The following UGT1A9 variants were observed in gnomAD, a reference collection of about 807,000 sequenced individuals.
The protein encoded by UGT1A9 is UDP-glucuronosyltransferase 1A9.
In UGT1A9, 35 loss-of-function variants were observed where a neutral mutation model predicts 45.0. The ratio of observed to expected loss-of-function variants is 0.78; its 90% CI spans 0.59 to 1.03. The LOEUF (loss-of-function observed/expected upper bound fraction) is 1.03. Among genes scored for constraint, UGT1A9 ranks in the 50% least tolerant of loss-of-function variants. UGT1A9 has a pLI of 0.00. For missense variants in UGT1A9, 687 were observed against 666.6 expected, an observed-to-expected ratio of 1.03 and a Z score of -0.34; for synonymous variants, 278 against 250.6, an observed-to-expected ratio of 1.11 and a Z score of -1.03.
chr2:233,746,646 C>A (rs1278819744), intron 1 of UGT1A9, among the ~76,000 whole-genome samples: 2 of 151,736 alleles, frequency 1.3e-5, no homozygotes, highest in East Asian at 3.9e-4. Flanking sequence ...TCTAACTTGG[C>A]TTTCTGTCCC....
At chr2:233,729,306 C>T (rs146717613) in intron 1 of UGT1A9, 13 of 1,614,122 alleles carry the variant, frequency 8.1e-6, no homozygotes, top group Non-Finnish European at 1.1e-5. Flanking sequence ...AGGCAGTGGT[C>T]CTCACCCCAG....
In UGT1A9 at chr2:233,747,740, TC is replaced by T. The variant is rs1007845310; in HGVS notation, c.856-19292del. On this transcript the variant is annotated intron_variant, in intron 1 of 4. Coordinates refer to ENST00000354728, the MANE Select transcript of UGT1A9 (RefSeq NM_021027.3). The stretch of plus-strand genomic sequence containing the variant: ...CTGCTGTGTTTTTTTTGAGGAACAT[TC>T]CATGTGATTTAGACTTTAAGGGCAC... 68 of 1,613,430 alleles carry T rather than the reference TC, an allele frequency of 4.2e-5. No individual in the cohort carries two copies. In the Admixed American group the frequency reaches 1.1e-3, roughly 27 times the overall value.
At chr2:233,676,053 G>C (rs2074344673) in intron 1 of UGT1A9, among the ~76,000 whole-genome samples, 1 of 152,152 alleles carries the variant, frequency 6.6e-6, no homozygotes, top group Non-Finnish European at 1.5e-5. Flanking sequence ...AATTGACTAG[G>C]TGCCAAAGTT....
intron 1 of UGT1A9, among the ~76,000 whole-genome samples, chr2:233,700,573 T>C (rs978152887): frequency 1.5e-4 from 23 of 152,216 alleles, no homozygotes; most frequent in Non-Finnish European, 1.3e-4. Flanking sequence ...AACTTTATTA[T>C]GATGCAATTT....
At position 233,769,465 on chromosome 2, in the gene UGT1A9, G is replaced by C. The variant is rs34036745; in HGVS notation, c.1295+1026G>C. On this transcript the variant is annotated intron_variant, in intron 4 of 4. Coordinates refer to ENST00000354728, the MANE Select transcript of UGT1A9 (RefSeq NM_021027.3). This position sits in a 1 kb window ranked among gnomAD's most constrained non-coding sequence, Gnocchi z 4.4. The stretch of plus-strand genomic sequence containing the variant: ...GGTGCACACGTGTGCATTCATATGC[G>C]TGTGTGTGTGTGTGCGTGTGTTTAT... The C allele has an allele frequency of 4.2e-4, 555 of 1,316,536 alleles. 2 individuals are homozygous for C. The African/African-American group carries it at 7.4e-3, about 18-fold the overall frequency. 81.6% of individuals were successfully genotyped at this position (1,316,536 alleles called of 1,614,324 possible). A position where few individuals can be genotyped will look rare whatever the true frequency, so the allele number is the denominator to read the frequency against.
chr2:233,757,560 A>ATATATATATATATATGTG, intron 1 of UGT1A9, among the ~76,000 whole-genome samples: 1 of 123,156 alleles, frequency 8.1e-6, no homozygotes, highest in African/African-American at 3.4e-5. Flanking sequence ...ATATATATAT[A>ATATATATATATATATGTG]TGTATATATG....
At chr2:233,706,480 A>C (rs1460971839) in intron 1 of UGT1A9, among the ~76,000 whole-genome samples, 2 of 152,254 alleles carry the variant, frequency 1.3e-5, no homozygotes, top group Non-Finnish European at 2.9e-5. Flanking sequence ...GGCTGGGTAC[A>C]TGAGGGTGTC....
In UGT1A9 at chr2:233,760,159, C is replaced by A. The variant is rs35071471; in HGVS notation, c.856-6875C>A. The A allele has an allele frequency of 1.9e-5, 29 of 1,504,618 alleles. No individual in the cohort carries two copies. In the East Asian group the frequency reaches 7.0e-4, roughly 36 times the overall value. 93.2% of individuals were successfully genotyped at this position (1,504,618 alleles called of 1,614,324 possible). A position where few individuals can be genotyped will look rare whatever the true frequency, so the allele number is the denominator to read the frequency against. On this transcript the variant is annotated intron_variant, in intron 1 of 4. Coordinates refer to ENST00000354728, the MANE Select transcript of UGT1A9 (RefSeq NM_021027.3). ...TCTCTGAAAGTGAACTCCCTGCTAC[C>A]TTTGTGGACTGACAGCTTTTTATAG...
chr2:233,764,333 T>C (rs1001712287), intron 1 of UGT1A9, among the ~76,000 whole-genome samples: 8 of 152,206 alleles, frequency 5.3e-5, no homozygotes, highest in African/African-American at 1.9e-4. Flanking sequence ...AAGTAGGGGA[T>C]GGACTTCACC....
intron 1 of UGT1A9, chr2:233,693,173 G>A (rs1245867453): frequency 1.2e-6 from 2 of 1,614,068 alleles, no homozygotes; most frequent in Non-Finnish European, 1.7e-6. Flanking sequence ...TCATGAGATT[G>A]TAGTGGTGGT....
At chr2:233,721,716 GT>G (rs1452034335) in intron 1 of UGT1A9, 1 of 386,646 alleles carries the variant, frequency 2.6e-6, no homozygotes, top group African/African-American at 2.1e-5. Context: ...TGGATGCTTT[GT>G]TTACTTGGAT....
At position 233,713,972 on chromosome 2, in the gene UGT1A9, C is replaced by T. The variant is rs191784973; in HGVS notation, c.855+41183C>T. On this transcript the variant is annotated intron_variant, in intron 1 of 4. Transcript: ENST00000354728. ...TATCTTTCCAAAGATTTCATTTCTG[C>T]TTCTCATTGTTGTAATAGTCTTCAG... 1.3e-3 allele frequency: 2,084 copies of T among 1,599,986 alleles called. 2 individuals carry two copies. Among genetic ancestry groups the T allele is most frequent in the Non-Finnish European group, 1.6e-3 (1,935 of 1,173,724 alleles).
At chr2:233,688,219 T>A (rs10175809) in intron 1 of UGT1A9, among the ~76,000 whole-genome samples, 59,115 of 152,104 alleles carry the variant, frequency 0.39, 11,692 homozygotes, top group South Asian at 0.45. Context: ...TTGTGGCTTA[T>A]CCATGTTGTA....
Position 233,769,905 on chromosome 2 carries a change from G to A in UGT1A9, c.1295+1466G>A. On this transcript the variant is annotated intron_variant, in intron 4 of 4. Coordinates refer to ENST00000354728, the MANE Select transcript of UGT1A9 (RefSeq NM_021027.3). The surrounding 1 kb of genome is among the most constrained non-coding windows in gnomAD (Gnocchi z 4.4). ...AGTCCACATAACCTGAGCATCATGTGCCCAGAGCGTTGGGTGGTGTGGTCC... is the reference window on the plus strand; with the variant it reads ...AGTCCACATAACCTGAGCATCATGTACCCAGAGCGTTGGGTGGTGTGGTCC... 1 of 322,682 alleles carries A rather than the reference G, an allele frequency of 3.1e-6. No individual in the cohort carries two copies. Among genetic ancestry groups the A allele is most frequent in the Admixed American group, 4.6e-5 (1 of 21,882 alleles). 20.0% of individuals were successfully genotyped at this position (322,682 alleles called of 1,614,324 possible).
At chr2:233,744,055 C>T (rs115067532) in intron 1 of UGT1A9, 5 of 645,238 alleles carry the variant, frequency 7.7e-6, no homozygotes, top group Admixed American at 3.6e-5. Flanking sequence ...TCTCATTGGT[C>T]GAGGCCTATG....
At chr2:233,689,789 G>A (rs1472874347) in intron 1 of UGT1A9, 2 of 424,176 alleles carry the variant, frequency 4.7e-6, no homozygotes, top group Non-Finnish European at 9.3e-6. Context: ...GTTATGATGT[G>A]ATCTGTAGTT....
chr2:233,692,059 G>A (rs2075075325), intron 1 of UGT1A9: 1 of 152,180 alleles, frequency 6.6e-6, no homozygotes, highest in Non-Finnish European at 1.5e-5. Context: ...CGATTAGAGG[G>A]AAGAAAGGAG....
intron 1 of UGT1A9, chr2:233,729,371 T>A (rs1158869339): frequency 1.2e-6 from 2 of 1,613,978 alleles, no homozygotes; most frequent in Non-Finnish European, 1.7e-6. Flanking sequence ...ACCTATGCCA[T>A]TTCGTGGACC....
intron 1 of UGT1A9, among the ~76,000 whole-genome samples, chr2:233,687,027 ATGTAGTGTT>A (rs2074817736): frequency 6.6e-6 from 1 of 152,202 alleles, no homozygotes; most frequent in African/African-American, 2.4e-5. Flanking sequence ...AGGTGGTTCA[ATGTAGTGTT>A]TGAGCACGCG....
Sources: gnomAD v4.1 joint callset for allele counts (sites outside exome capture counted in the v4.1 genomes callset) on GRCh38, gnomAD v4.1.1 for gene constraint, Gnocchi (gnomAD v3.1) non-coding constraint, MANE v1.5 for transcripts, NCBI Gene and HGNC (gene_info 2026-07-23, HGNC 2026-07-21) for gene names.